SPMIP2: variants seen among roughly 807,000 people sequenced by gnomAD.
The protein encoded by SPMIP2 is protein SPMIP2.
the SPMIP2 span, among the ~76,000 whole-genome samples, chr4:158,950,927 G>T: frequency 6.6e-6 from 1 of 151,924 alleles, no homozygotes; most frequent in East Asian, 1.9e-4. Flanking sequence ...CTGAAGGGAG[G>T]GTCTGTGGGA....
At chr4:159,063,474 CG>C in the SPMIP2 span, among the ~76,000 whole-genome samples, 11 of 151,960 alleles carry the variant, frequency 7.2e-5, no homozygotes, top group Admixed American at 2.0e-4. Flanking sequence ...CACTTGAACC[CG>C]GGAAGCAGAA....
the SPMIP2 span, among the ~76,000 whole-genome samples, chr4:158,993,091 G>T: frequency 6.6e-6 from 1 of 152,048 alleles, no homozygotes; most frequent in Non-Finnish European, 1.5e-5. Context: ...CTTGAAAAAA[G>T]GGCTGGGCAT....
At chr4:159,072,593 G>T in the SPMIP2 span, among the ~76,000 whole-genome samples, 1 of 151,382 alleles carries the variant, frequency 6.6e-6, no homozygotes. Context: ...TCCCCGAGCA[G>T]CTCAGATTAC....
At chr4:158,979,827 G>A in the SPMIP2 span, among the ~76,000 whole-genome samples, 5 of 138,848 alleles carry the variant, frequency 3.6e-5, no homozygotes, top group African/African-American at 1.4e-4. Flanking sequence ...TACCCCAGTG[G>A]CACCTGGAAT....
chr4:159,082,415 A>C, the SPMIP2 span, among the ~76,000 whole-genome samples: 1 of 150,458 alleles, frequency 6.6e-6, no homozygotes, highest in Non-Finnish European at 1.5e-5. Context: ...AAGCAGAAAA[A>C]TGAATAATCT....
the SPMIP2 span, among the ~76,000 whole-genome samples, chr4:158,946,582 C>T: frequency 2.0e-5 from 3 of 152,178 alleles, no homozygotes; most frequent in Non-Finnish European, 4.4e-5. Context: ...CCTTCTGCCA[C>T]AATTGTAAGT....
chr4:158,909,580 T>G, the SPMIP2 span: 1 of 151,848 alleles, frequency 6.6e-6, no homozygotes, highest in African/African-American at 2.4e-5. Context: ...GATGGTTTTT[T>G]TTTTTTTTTT....
At chr4:158,961,889 A>T in the SPMIP2 span, among the ~76,000 whole-genome samples, 3 of 149,842 alleles carry the variant, frequency 2.0e-5, no homozygotes, top group African/African-American at 4.9e-5. Flanking sequence ...CAGATAAATT[A>T]TTTTTTTTTT....
the SPMIP2 span, among the ~76,000 whole-genome samples, chr4:158,916,008 C>T: frequency 2.0e-5 from 3 of 152,184 alleles, no homozygotes; most frequent in Non-Finnish European, 2.9e-5. Flanking sequence ...TCTTATTCAC[C>T]ATCCTTCCAC....
chr4:158,927,294 T>A, the SPMIP2 span, among the ~76,000 whole-genome samples: 1 of 152,230 alleles, frequency 6.6e-6, no homozygotes, highest in Non-Finnish European at 1.5e-5. Context: ...TATCTGACAT[T>A]AGAGAAACCA....
At chr4:158,923,668 T>C in the SPMIP2 span, among the ~76,000 whole-genome samples, 1 of 152,192 alleles carries the variant, frequency 6.6e-6, no homozygotes, top group African/African-American at 2.4e-5. Context: ...CTAGAGATAG[T>C]ATTACTTCTT....
At chr4:158,934,989 A>C in the SPMIP2 span, among the ~76,000 whole-genome samples, 1 of 152,194 alleles carries the variant, frequency 6.6e-6, no homozygotes, top group African/African-American at 2.4e-5. Flanking sequence ...CATGGATTTG[A>C]TTATATCACT....
At chr4:158,952,839 G>C in the SPMIP2 span, among the ~76,000 whole-genome samples, 1 of 152,222 alleles carries the variant, frequency 6.6e-6, no homozygotes, top group Non-Finnish European at 1.5e-5. Flanking sequence ...TTTTAGCAAA[G>C]AGACTGGTGG....
the SPMIP2 span, among the ~76,000 whole-genome samples, chr4:159,079,086 C>G: frequency 6.6e-6 from 1 of 151,980 alleles, no homozygotes; most frequent in South Asian, 2.1e-4. Flanking sequence ...CCATAGCACT[C>G]CAACCTGGGT....
At chr4:159,065,920 A>G in the SPMIP2 span, among the ~76,000 whole-genome samples, 5 of 152,204 alleles carry the variant, frequency 3.3e-5, no homozygotes, top group African/African-American at 1.2e-4. Flanking sequence ...TCCAAGGGTC[A>G]CATAGCTAGG....
At chr4:159,017,374 CACACACAG>C in the SPMIP2 span, among the ~76,000 whole-genome samples, 1 of 151,616 alleles carries the variant, frequency 6.6e-6, no homozygotes, top group African/African-American at 2.4e-5. Flanking sequence ...CACACACACA[CACACACAG>C]ACCTTAGACT....
At chr4:159,012,240 T>C in the SPMIP2 span, among the ~76,000 whole-genome samples, 8,577 of 152,142 alleles carry the variant, frequency 0.056, 333 homozygotes, top group East Asian at 0.18. Flanking sequence ...CCTAGCTCTA[T>C]TAAAACAAAA....
the SPMIP2 span, among the ~76,000 whole-genome samples, chr4:158,901,277 C>T: frequency 6.6e-6 from 1 of 151,910 alleles, no homozygotes; most frequent in African/African-American, 2.4e-5. Flanking sequence ...GGATTACAGG[C>T]GTGTGCCACG....
the SPMIP2 span, chr4:158,973,219 G>T: frequency 2.4e-5 from 39 of 1,613,664 alleles, no homozygotes; most frequent in Non-Finnish European, 2.9e-5. Flanking sequence ...AAATATCTGA[G>T]ATCTCCAGTT....
Sources: gnomAD v4.1 joint callset for allele counts (sites outside exome capture counted in the v4.1 genomes callset) on GRCh38, gnomAD v4.1.1 for gene constraint, MANE v1.5 for transcripts, NCBI Gene and HGNC (gene_info 2026-07-23, HGNC 2026-07-21) for gene names.